The following COL27A1 variants were observed in gnomAD, a reference collection of about 807,000 sequenced individuals.
COL27A1 encodes collagen type XXVII alpha 1 chain, also known as collagen alpha-1(XXVII) chain.
In COL27A1, 106 loss-of-function variants were observed where a neutral mutation model predicts 251.3. The observed-to-expected ratio is 0.42, with a 90% CI of 0.36 to 0.50. COL27A1 has a LOEUF of 0.50. Ranked by LOEUF, COL27A1 falls within the 20% of genes least tolerant of loss-of-function variation. The pLI, the probability that COL27A1 is intolerant of heterozygous loss-of-function variation, is 0.00. For missense variants in COL27A1, 2,325 were observed against 2,522.8 expected (o/e 0.92, Z 1.68); for synonymous variants, 1,000 against 986.3 (o/e 1.01, Z -0.26).
intron 12 of COL27A1, among the ~76,000 whole-genome samples, chr9:114,216,327 A>G (rs1830711104): frequency 6.6e-6 from 1 of 152,258 alleles, no homozygotes; most frequent in African/African-American, 2.4e-5. Context: ...GAGCTCGGGC[A>G]TGTGGAGGAA....
intron 31 of COL27A1, 99 bp from the exon 32 acceptor site, chr9:114,265,320 GGGA>G (rs1834663011): frequency 1.6e-6 from 2 of 1,267,112 alleles, no homozygotes; most frequent in East Asian, 4.8e-5. Context: ...CACCCGGTGT[GGGA>G]GGAGGGGACC....
At chr9:114,156,402 G>T (rs1359319626) in intron 1 of COL27A1, among the ~76,000 whole-genome samples, 1 of 152,004 alleles carries the variant, frequency 6.6e-6, no homozygotes, top group Non-Finnish European at 1.5e-5. Flanking sequence ...CTCAGTGTCT[G>T]CAGGTCCCAA....
intron 4 of COL27A1, among the ~76,000 whole-genome samples, chr9:114,180,658 C>A (rs1302654806): frequency 6.6e-6 from 1 of 152,212 alleles, no homozygotes; most frequent in Non-Finnish European, 1.5e-5. Context: ...TCGCCCAAAG[C>A]TCTCTGTCTT....
chr9:114,309,254 C>T lies in COL27A1; in HGVS notation c.5218-6C>T, dbSNP rs2131699184. ...TGAGCCGCTCACTGCCGTTGCTTCTCTATAGGTCGAGTTTGCCATCAGCCG... is the reference window on the plus strand; with the variant it reads ...TGAGCCGCTCACTGCCGTTGCTTCTTTATAGGTCGAGTTTGCCATCAGCCG... On this transcript the variant is annotated splice_region_variant and splice_polypyrimidine_tract_variant and intron_variant, in intron 59 of 60. Transcript: ENST00000356083. 1.2e-6 allele frequency: 2 copies of T among 1,613,996 alleles called. No individual in the cohort carries two copies. Among genetic ancestry groups the T allele is most frequent in the East Asian group, 2.2e-5 (1 of 44,872 alleles).
At chr9:114,222,136 C>T (rs1397994012) in intron 13 of COL27A1, 87 bp from the exon 14 acceptor site, 1 of 1,154,454 alleles carries the variant, frequency 8.7e-7, no homozygotes, top group African/African-American at 1.5e-5. Context: ...AAGACCCCAC[C>T]AGGTGCCTGT....
In COL27A1 at chr9:114,267,652, T is replaced by C. The variant is rs1049111838; in HGVS notation, c.3501+95T>C. The C allele has an allele frequency of 5.3e-5, 62 of 1,177,912 alleles. No individual in the cohort carries two copies. In the African/African-American group the frequency reaches 9.2e-4, roughly 18 times the overall value. 73.0% of individuals were successfully genotyped at this position (1,177,912 alleles called of 1,614,324 possible). On this transcript the variant is annotated intron_variant, in intron 34 of 60. Transcript: ENST00000356083. ...CCATGGAAGAGAAATGGGCCTTTCTTGTGGCTGGGATAATGGGTTCTCTGT... is the reference window on the plus strand; with the variant it reads ...CCATGGAAGAGAAATGGGCCTTTCTCGTGGCTGGGATAATGGGTTCTCTGT...
Position 114,168,730 on chromosome 9 carries a change from C to T in COL27A1, c.1175C>T (p.Ala392Val), listed in dbSNP as rs1465939332. 6.2e-7 allele frequency: 1 copy of T among 1,614,060 alleles called. No individual in the cohort carries two copies. Among genetic ancestry groups the T allele is most frequent in the South Asian group, 1.1e-5 (1 of 91,088 alleles). The change falls in exon 3 of 61, where the codon GCT (alanine) becomes GTT (valine). Residue 392 changes from alanine to valine, a missense_variant. By Grantham distance (64) the Ala-to-Val change is moderately conservative. Coordinates refer to ENST00000356083, the MANE Select transcript of COL27A1 (RefSeq NM_032888.4). ...AGCCCCCATCCTACCCAGAAAACAG[C>T]TCCATCTTCATTTACAAAGTCAGCC... ...IKSPHPTQKTAPSSFTKSALP... is the reference protein window; with the variant it reads ...IKSPHPTQKTVPSSFTKSALP...
In COL27A1 at chr9:114,306,350, C is replaced by T. The variant is rs1829044691; in HGVS notation, c.4939-170C>T. ...ATAGCCTCTCCTCCTGCACTTTGTCCCTGGCCCGTTTTCTTGTCTGCAAAA... is the reference window on the plus strand; with the variant it reads ...ATAGCCTCTCCTCCTGCACTTTGTCTCTGGCCCGTTTTCTTGTCTGCAAAA... On this transcript the variant is annotated intron_variant, in intron 57 of 60. Coordinates refer to ENST00000356083, the MANE Select transcript of COL27A1 (RefSeq NM_032888.4). 4.8e-6 allele frequency: 3 copies of T among 623,234 alleles called. No homozygotes were observed. The Admixed American group carries it at 8.9e-5, about 19-fold the overall frequency. The allele number at this position is 623,234 out of a possible 1,614,324, so 38.6% of individuals were successfully genotyped here. A position where few individuals can be genotyped will look rare whatever the true frequency, so the allele number is the denominator to read the frequency against.
chr9:114,171,715 C>A (rs935768597), intron 3 of COL27A1, among the ~76,000 whole-genome samples: 1 of 152,150 alleles, frequency 6.6e-6, no homozygotes, highest in Admixed American at 6.5e-5. Context: ...ATCCTCCTGC[C>A]TCAGCCTCCC....
chr9:114,235,693 T>G (rs1452444602), intron 17 of COL27A1, 41 bp downstream of exon 17: 7 of 1,483,038 alleles, frequency 4.7e-6, no homozygotes, highest in Non-Finnish European at 5.6e-6. Context: ...CCCCTGCCCC[T>G]GCCCTGCTGT....
chr9:114,201,250 G>T (rs1355058541), intron 7 of COL27A1, among the ~76,000 whole-genome samples: 1 of 152,226 alleles, frequency 6.6e-6, no homozygotes, highest in Non-Finnish European at 1.5e-5. Context: ...GTGCCAGTCA[G>T]GCACCGATCG....
At position 114,290,040 on chromosome 9, in the gene COL27A1, T is replaced by C. The variant is rs767051562; in HGVS notation, c.4207-18T>C. The C allele has an allele frequency of 6.2e-7, 1 of 1,611,608 alleles. No homozygotes were observed. Among genetic ancestry groups the C allele is most frequent in the South Asian group, 1.1e-5 (1 of 90,998 alleles). On this transcript the variant is annotated intron_variant, in intron 45 of 60. Transcript: ENST00000356083. The surrounding 1 kb of genome is among the most constrained non-coding windows in gnomAD (Gnocchi z 4.6). ...CCTCTACCAGGCAGCCTCCATCATG[T>C]GGCCCTTGATTTTTCAGGGACCAAA...
chr9:114,205,871 T>G (rs1262374326), intron 9 of COL27A1, 59 bp downstream of exon 9: 2 of 1,500,798 alleles, frequency 1.3e-6, no homozygotes, highest in Non-Finnish European at 1.8e-6. Context: ...TGGCCACAGG[T>G]GCCCCGAGGC....
chr9:114,283,034 G>A (rs543506774), intron 39 of COL27A1, among the ~76,000 whole-genome samples: 13 of 152,342 alleles, frequency 8.5e-5, no homozygotes, highest in African/African-American at 3.1e-4. Context: ...AGAGGGCTTT[G>A]ATACCTCCAG....
chr9:114,307,461 C>G, intron 58 of COL27A1: 2 of 567,466 alleles, frequency 3.5e-6, no homozygotes, highest in South Asian at 4.1e-5. Flanking sequence ...GCCATGTGAC[C>G]CCTCCTCTGG....
rs186610424 is a variant in COL27A1 at position 114,243,689 on chromosome 9, C to T, written c.2934+129C>T. On this transcript the variant is annotated intron_variant, in intron 23 of 60. Coordinates refer to ENST00000356083, the MANE Select transcript of COL27A1 (RefSeq NM_032888.4). ...GAAAAAAATTGGTTCCTGTTTAGAA[C>T]AAAGTATTGGTAAGGGAGAAAAAAA... The T allele has an allele frequency of 2.7e-5, 19 of 693,628 alleles. No individual in the cohort carries two copies. In the Admixed American group the frequency reaches 3.1e-4, roughly 11 times the overall value. 43.0% of individuals were successfully genotyped at this position (693,628 alleles called of 1,614,324 possible).
chr9:114,246,672 C>T (rs753739100), intron 24 of COL27A1, among the ~76,000 whole-genome samples: 1 of 152,206 alleles, frequency 6.6e-6, no homozygotes, highest in African/African-American at 2.4e-5. Flanking sequence ...GGCCGCACCA[C>T]GAAACCCCGT....
chr9:114,168,263 T>C lies in COL27A1; in HGVS notation c.708T>C (p.Cys236=). 2 of 1,613,862 alleles carry C rather than the reference T, an allele frequency of 1.2e-6. No individual in the cohort carries two copies. Among genetic ancestry groups the C allele is most frequent in the East Asian group, 2.2e-5 (1 of 44,866 alleles). Residue 236 remains cysteine (C), a synonymous_variant, in exon 3 of 61, where the codon TGT becomes TGC. Transcript: ENST00000356083. ...ACTGTACCCACCTGAGGAAGCAGTG[T>C]GGACAGGCTGACACGTACCAGTCCC... is the stretch of plus-strand genomic sequence containing the variant. The part of the protein sequence containing the change: ...HNYCTHLRKQ[C]GQADTYQSPL...
Position 114,311,311 on chromosome 9 carries a change from A to G in COL27A1, c.*616A>G, listed in dbSNP as rs1337226633. The G allele has an allele frequency of 1.3e-5, 2 of 150,596 alleles. No individual in the cohort carries two copies. Among genetic ancestry groups the G allele is most frequent in the Admixed American group, 1.3e-4 (2 of 15,046 alleles). The allele number at this position is 150,596 out of a possible 1,614,324, so 9.3% of individuals were successfully genotyped here. A position where few individuals can be genotyped will look rare whatever the true frequency, so the allele number is the denominator to read the frequency against. On this transcript the variant is annotated 3_prime_UTR_variant, in exon 61 of 61. Coordinates refer to ENST00000356083, the MANE Select transcript of COL27A1 (RefSeq NM_032888.4). ...CACTGTGAAATCGCTGGTGCTCACAATTGTCTCTCACAGTGTATGTGATTT... is the reference window on the plus strand; with the variant it reads ...CACTGTGAAATCGCTGGTGCTCACAGTTGTCTCTCACAGTGTATGTGATTT...
Sources: allele counts gnomAD v4.1 joint callset (sites outside exome capture counted in the v4.1 genomes callset), GRCh38; gene constraint gnomAD v4.1.1; non-coding constraint Gnocchi (gnomAD v3.1); transcripts MANE v1.5; gene names NCBI Gene and HGNC (gene_info 2026-07-23, HGNC 2026-07-21).